STARD3NL: variants seen among roughly 807,000 people sequenced by gnomAD.
STARD3NL encodes the protein STARD3 N-terminal-like protein.
STARD3NL carries 17 observed loss-of-function variants against 30.9 expected under a neutral mutation model. The ratio of observed to expected loss-of-function variants is 0.55; its 90% confidence interval spans 0.38 to 0.82. STARD3NL has a LOEUF of 0.82. STARD3NL is among the 40% of genes least tolerant of loss of function. The pLI is 0.00. For missense variants in STARD3NL, 234 were observed against 277.6 expected (o/e 0.84, Z 1.12); for synonymous variants, 112 against 100.5 (o/e 1.11, Z -0.69).
At chr7:38,226,688 G>A (rs150276499) in intron 7 of STARD3NL, among the ~76,000 whole-genome samples, 4 of 152,206 alleles carry the variant, frequency 2.6e-5, no homozygotes, top group African/African-American at 9.6e-5. Context: ...CTGGGCATAT[G>A]CTTGTCCCAG....
rs3217069 is a variant in STARD3NL at position 38,216,457 on chromosome 7, C to CTGTGTGTGTGTGTG, written c.382-555_382-542dup. 1.2e-3 allele frequency: 183 copies of CTGTGTGTGTGTGTG among 149,028 alleles called. 1 individual carries two copies. The highest frequency in any genetic ancestry group is 4.4e-3 in the African/African-American group (178 of 40,564). The allele number at this position is 149,028 out of a possible 1,614,324, so 9.2% of individuals were successfully genotyped here. A position where few individuals can be genotyped will look rare whatever the true frequency, so the allele number is the denominator to read the frequency against. ...AAACTGCCTCCTCTCCCAAGCAGCT[C>CTGTGTGTGTGTGTG]TGTGTGTGTGTGTGTGTGTGTGTGT... is the stretch of plus-strand genomic sequence containing the variant. On this transcript the variant is annotated intron_variant, in intron 4 of 8. Coordinates refer to ENST00000009041, the MANE Select transcript of STARD3NL (RefSeq NM_032016.4).
chr7:38,208,886 A>G (rs901201099), intron 2 of STARD3NL, among the ~76,000 whole-genome samples: 13 of 152,382 alleles, frequency 8.5e-5, no homozygotes, highest in African/African-American at 2.9e-4. Flanking sequence ...AATTCATAGC[A>G]TAATTTCAAT....
In STARD3NL at chr7:38,214,427, A is replaced by G. The variant is rs767198270; in HGVS notation, c.296A>G (p.Asp99Gly). The change falls in exon 3 of 9, where the codon GAT becomes GGT. Residue 99 changes from aspartate (D) to glycine (G), a missense_variant. Asp to Gly is a moderately conservative substitution (Grantham distance 94). Coordinates refer to ENST00000009041, the MANE Select transcript of STARD3NL (RefSeq NM_032016.4). ...TATGACTACTATTCTTCATATTTTG[A>G]TATATTTGTAAGTATTTTTTATGTT... ...MQYDYYSSYFDIFLLAVFRFK... is the reference protein window; with the variant it reads ...MQYDYYSSYFGIFLLAVFRFK... 4 of 1,585,618 alleles carry G rather than the reference A, an allele frequency of 2.5e-6. No individual in the cohort carries two copies. The Middle Eastern group carries it at 5.1e-4, about 200-fold the overall frequency.
intron 2 of STARD3NL, among the ~76,000 whole-genome samples, chr7:38,213,797 TTATC>T (rs1785946214): frequency 6.6e-6 from 1 of 152,236 alleles, no homozygotes; most frequent in Non-Finnish European, 1.5e-5. Flanking sequence ...CCTTATTTCA[TTATC>T]TATTCATGTT....
intron 7 of STARD3NL, among the ~76,000 whole-genome samples, chr7:38,227,215 A>G (rs762055125): frequency 4.6e-5 from 7 of 152,112 alleles, no homozygotes; most frequent in Non-Finnish European, 8.8e-5. Context: ...AGACATGGCA[A>G]CTCACTGTGG....
chr7:38,227,720 A>G (rs1284803409), intron 7 of STARD3NL, among the ~76,000 whole-genome samples: 1 of 152,134 alleles, frequency 6.6e-6, no homozygotes, highest in East Asian at 1.9e-4. Context: ...CATTTAAAAA[A>G]GTGGAAAGAA....
intron 2 of STARD3NL, among the ~76,000 whole-genome samples, chr7:38,210,123 G>C (rs1055992831): frequency 6.6e-5 from 10 of 152,072 alleles, no homozygotes; most frequent in South Asian, 2.1e-4. Context: ...TTGTCTCTCT[G>C]TAACTCTCTA....
intron 1 of STARD3NL, among the ~76,000 whole-genome samples, chr7:38,184,191 G>C (rs1168241833): frequency 6.6e-6 from 1 of 152,124 alleles, no homozygotes; most frequent in Non-Finnish European, 1.5e-5. Flanking sequence ...TGATACCTAA[G>C]CTACCTTGAA....
At chr7:38,201,399 C>A (rs905829025) in intron 1 of STARD3NL, among the ~76,000 whole-genome samples, 38 of 152,084 alleles carry the variant, frequency 2.5e-4, no homozygotes, top group African/African-American at 8.2e-4. Context: ...TGATACGTTT[C>A]TTAATCTTTC....
At chr7:38,218,422 A>G (rs1786249482) in intron 6 of STARD3NL, among the ~76,000 whole-genome samples, 1 of 152,220 alleles carries the variant, frequency 6.6e-6, no homozygotes, top group Non-Finnish European at 1.5e-5. Flanking sequence ...TGTGCCGTCT[A>G]TTCCTTTGTG....
chr7:38,184,813 G>C lies in STARD3NL; in HGVS notation c.-59+6393G>C, dbSNP rs148562817. ...AGCAATAAAGAAAATTATGACTATG[G>C]AAATACATATATATATAGGCAGCAT... On this transcript the variant is annotated intron_variant, in intron 1 of 8. Transcript: ENST00000009041. Among the ~76,000 whole-genome samples, 1,132 of 143,386 alleles carry C rather than the reference G, an allele frequency of 7.9e-3. 13 individuals are homozygous for C. Among genetic ancestry groups the C allele is most frequent in the African/African-American group, 0.028 (1,100 of 39,294 alleles). 94.1% of individuals were successfully genotyped at this position (143,386 alleles called of 152,430 possible).
intron 7 of STARD3NL, among the ~76,000 whole-genome samples, chr7:38,227,538 A>G (rs900506639): frequency 1.1e-4 from 16 of 150,560 alleles, no homozygotes; most frequent in East Asian, 5.8e-4. Flanking sequence ...CTCCTTAGGG[A>G]AAAAAAAATG....
chr7:38,224,364 T>C (rs955275411), intron 7 of STARD3NL, among the ~76,000 whole-genome samples: 6 of 152,256 alleles, frequency 3.9e-5, no homozygotes, highest in Admixed American at 6.5e-5. Flanking sequence ...TGTTTAACTT[T>C]TTTTAAAATT....
intron 1 of STARD3NL, among the ~76,000 whole-genome samples, chr7:38,183,189 C>T (rs1307891593): frequency 6.6e-6 from 1 of 152,172 alleles, no homozygotes; most frequent in Non-Finnish European, 1.5e-5. Context: ...GAACACCAGC[C>T]AAGACTTGCC....
In STARD3NL at chr7:38,190,644, A is replaced by C. The variant is rs1784648091; in HGVS notation, c.-59+12224A>C. On this transcript the variant is annotated intron_variant, in intron 1 of 8. Transcript: ENST00000009041. ...GGCACTCTCCTGCATAACCATTACT[A>C]AACTGTAATCAATTCTCCAATTGAC... Among the ~76,000 whole-genome samples, 3 of 152,312 alleles carry C rather than the reference A, an allele frequency of 2.0e-5. No individual in the cohort carries two copies. In the South Asian group the frequency reaches 6.2e-4, roughly 32 times the overall value.
At chr7:38,216,856 AG>A in intron 4 of STARD3NL, 168 bp from the exon 5 acceptor site, 1 of 683,884 alleles carries the variant, frequency 1.5e-6, no homozygotes. Context: ...ATTTTGCCCC[AG>A]TGTGGGTCTA....
chr7:38,191,930 G>C (rs769711885), intron 1 of STARD3NL, among the ~76,000 whole-genome samples: 10 of 151,916 alleles, frequency 6.6e-5, no homozygotes, highest in Non-Finnish European at 1.5e-4. Flanking sequence ...AGCATGGTGG[G>C]ATTATGATTG....
At chr7:38,212,692 T>C (rs1785876244) in intron 2 of STARD3NL, among the ~76,000 whole-genome samples, 1 of 152,154 alleles carries the variant, frequency 6.6e-6, no homozygotes, top group Non-Finnish European at 1.5e-5. Context: ...TGCAGGAATG[T>C]CATGGAAGGC....
intron 1 of STARD3NL, among the ~76,000 whole-genome samples, chr7:38,187,840 G>A (rs930022202): frequency 1.2e-4 from 18 of 151,990 alleles, no homozygotes; most frequent in African/African-American, 4.4e-4. Context: ...CTAGCTTCCC[G>A]CTTTCACTAA....
Sources: allele counts gnomAD v4.1 joint callset (sites outside exome capture counted in the v4.1 genomes callset), GRCh38; gene constraint gnomAD v4.1.1; transcripts MANE v1.5; gene names NCBI Gene and HGNC (gene_info 2026-07-23, HGNC 2026-07-21).